The following TMEM135 variants were observed in gnomAD, a reference collection of about 807,000 sequenced individuals.
The protein encoded by TMEM135 is peroxisomal membrane protein 52.
A neutral mutation model predicts 60.3 loss-of-function variants in TMEM135; 30 were observed. The ratio of observed to expected loss-of-function variants is 0.50; its 90% confidence interval spans 0.37 to 0.68. TMEM135 has a LOEUF of 0.68. TMEM135 is among the 30% of genes least tolerant of loss of function. TMEM135 has a pLI of 0.00. For synonymous variants in TMEM135, 190 were observed against 186.7 expected, an observed-to-expected ratio of 1.02 and a Z score of -0.14; for missense variants, 468 against 548.8, an observed-to-expected ratio of 0.85 and a Z score of 1.47.
chr11:87,085,544 C>G, intron 3 of TMEM135, among the ~76,000 whole-genome samples: 1 of 152,204 alleles, frequency 6.6e-6, no homozygotes, highest in Admixed American at 6.5e-5. Context: ...ATTGCTTGAG[C>G]TCAGGATTTC....
At chr11:87,171,174 G>A (rs888007737) in intron 5 of TMEM135, among the ~76,000 whole-genome samples, 2 of 152,134 alleles carry the variant, frequency 1.3e-5, no homozygotes, top group African/African-American at 4.8e-5. Context: ...AAAGCAGGGT[G>A]GGTGGTGTCA....
chr11:87,238,890 A>G (rs535978470), intron 6 of TMEM135, among the ~76,000 whole-genome samples: 2 of 152,202 alleles, frequency 1.3e-5, no homozygotes, highest in South Asian at 4.1e-4. Context: ...TTCCTAACAG[A>G]ACAGGTATTT....
chr11:87,265,905 T>C (rs1941738750), intron 6 of TMEM135, among the ~76,000 whole-genome samples: 1 of 152,156 alleles, frequency 6.6e-6, no homozygotes, highest in African/African-American at 2.4e-5. Context: ...AGAAAGTAAT[T>C]TAAGATCTCT....
intron 4 of TMEM135, among the ~76,000 whole-genome samples, chr11:87,137,194 T>C (rs1423541762): frequency 6.6e-6 from 1 of 152,092 alleles, no homozygotes; most frequent in Non-Finnish European, 1.5e-5. Flanking sequence ...GTTTGTTATG[T>C]CCTTCTGATA....
Position 87,159,254 on chromosome 11 carries a change from A to G in TMEM135, c.462+1848A>G, listed in dbSNP as rs554874581. On this transcript the variant is annotated intron_variant, in intron 5 of 14. Coordinates refer to ENST00000305494, the MANE Select transcript of TMEM135 (RefSeq NM_022918.4). ...ATGAGGTTAAAAGTGTAAGATGTAC[A>G]TATATTTCTTACATTTTAAGAGCTC... Among the ~76,000 whole-genome samples, 13 of 152,316 alleles carry G rather than the reference A, an allele frequency of 8.5e-5. No homozygotes were observed. In the South Asian group the frequency reaches 1.9e-3, roughly 22 times the overall value.
At chr11:87,055,818 G>A (rs961243393) in intron 1 of TMEM135, among the ~76,000 whole-genome samples, 2 of 152,014 alleles carry the variant, frequency 1.3e-5, no homozygotes, top group Non-Finnish European at 2.9e-5. Flanking sequence ...TCGAACTTCT[G>A]ACCTCAAGTG....
At chr11:87,290,595 C>A (rs1942246062) in intron 6 of TMEM135, among the ~76,000 whole-genome samples, 1 of 152,154 alleles carries the variant, frequency 6.6e-6, no homozygotes, top group Non-Finnish European at 1.5e-5. Flanking sequence ...ATTTACACTT[C>A]TAATTGAAAA....
At chr11:87,062,066 C>G (rs1362308415) in intron 1 of TMEM135, among the ~76,000 whole-genome samples, 1 of 152,026 alleles carries the variant, frequency 6.6e-6, no homozygotes. Context: ...AGTACGGTGG[C>G]ACAATCTCGG....
At position 87,327,771 on chromosome 11, in the gene TMEM135, T is replaced by A; in HGVS notation, c.*6438T>A. 2.2e-6 allele frequency: 1 copy of A among 453,884 alleles called. No homozygotes were observed. The highest frequency in any genetic ancestry group is 2.4e-5 in the Admixed American group (1 of 42,538). The allele number at this position is 453,884 out of a possible 1,614,324, so 28.1% of individuals were successfully genotyped here. A position where few individuals can be genotyped will look rare whatever the true frequency, so the allele number is the denominator to read the frequency against. ...CAAGTCTGAGAACCTGGGGGTGGGA[T>A]GGGGGAGTGATAGTTTTAAGTCCTG... On this transcript the variant is annotated 3_prime_UTR_variant, in exon 15 of 15. Coordinates refer to ENST00000305494, the MANE Select transcript of TMEM135 (RefSeq NM_022918.4).
At chr11:87,093,881 G>A (rs545092393) in intron 4 of TMEM135, among the ~76,000 whole-genome samples, 6 of 152,118 alleles carry the variant, frequency 3.9e-5, no homozygotes, top group East Asian at 1.9e-4. Flanking sequence ...TTCAGTTTGA[G>A]TGATGATATT....
At chr11:87,059,084 C>T (rs939437113) in intron 1 of TMEM135, among the ~76,000 whole-genome samples, 14 of 151,338 alleles carry the variant, frequency 9.3e-5, no homozygotes, top group African/African-American at 1.5e-4. Flanking sequence ...ATTACAGGCA[C>T]CCACCATCAT....
In TMEM135 at chr11:87,279,211, A is replaced by C. The variant is rs558142805; in HGVS notation, c.510-16571A>C. On this transcript the variant is annotated intron_variant, in intron 6 of 14. Transcript: ENST00000305494. ...GATTGTGTACTAGTATGATTATATC[A>C]GTTTGTATCTTTGGAGGAAGGCCTG... Among the ~76,000 whole-genome samples the C allele has an allele frequency of 2.6e-5, 4 of 152,248 alleles. No individual in the cohort carries two copies. In the South Asian group the frequency reaches 8.3e-4, roughly 32 times the overall value.
chr11:87,091,360 A>G lies in TMEM135; in HGVS notation c.363-2A>G. The G allele has an allele frequency of 6.2e-7, 1 of 1,611,308 alleles. No individual in the cohort carries two copies. On this transcript the variant is annotated splice_acceptor_variant, in intron 3 of 14. Coordinates refer to ENST00000305494, the MANE Select transcript of TMEM135 (RefSeq NM_022918.4). LOFTEE classifies it high-confidence loss of function. Reference sequence around the variant, plus strand: ...ATATCTTCCTTTTAAAATTATTTGCAGGAGAGGGCTGCTCACAATTTATAT... The same window carrying G: ...ATATCTTCCTTTTAAAATTATTTGCGGGAGAGGGCTGCTCACAATTTATAT...
intron 7 of TMEM135, among the ~76,000 whole-genome samples, chr11:87,296,450 A>G (rs768763564): frequency 6.6e-6 from 1 of 152,200 alleles, no homozygotes; most frequent in Non-Finnish European, 1.5e-5. Context: ...CAAGTTAACT[A>G]TATATACTGA....
intron 4 of TMEM135, among the ~76,000 whole-genome samples, chr11:87,101,281 C>T (rs1424092498): frequency 2.0e-5 from 3 of 152,056 alleles, no homozygotes; most frequent in Non-Finnish European, 4.4e-5. Context: ...TTAACTTTGC[C>T]ACAGTATGAT....
At chr11:87,212,660 A>G (rs1242093881) in intron 5 of TMEM135, among the ~76,000 whole-genome samples, 1 of 151,980 alleles carries the variant, frequency 6.6e-6, no homozygotes, top group Non-Finnish European at 1.5e-5. Flanking sequence ...TGTCTGCACC[A>G]AAAATACAAA....
chr11:87,270,684 G>T (rs1412800057), intron 6 of TMEM135, among the ~76,000 whole-genome samples: 2 of 152,048 alleles, frequency 1.3e-5, no homozygotes, highest in African/African-American at 4.8e-5. Flanking sequence ...TAGCTCTCCT[G>T]TACTCCAGAG....
chr11:87,051,069 T>C (rs1949837655), intron 1 of TMEM135, among the ~76,000 whole-genome samples: 1 of 92,834 alleles, frequency 1.1e-5, no homozygotes, highest in Non-Finnish European at 1.9e-5. Flanking sequence ...AAAAACCACA[T>C]GATTATCTCA....
chr11:87,203,862 C>G (rs1021782802), intron 5 of TMEM135, among the ~76,000 whole-genome samples: 6 of 152,160 alleles, frequency 3.9e-5, no homozygotes, highest in African/African-American at 1.4e-4. Context: ...ACATCTTTAA[C>G]AGTATTTGGT....
Sources: gnomAD v4.1 joint callset for allele counts (sites outside exome capture counted in the v4.1 genomes callset) on GRCh38, gnomAD v4.1.1 for gene constraint, MANE v1.5 for transcripts, NCBI Gene and HGNC (gene_info 2026-07-23, HGNC 2026-07-21) for gene names.